Variants in TBC1D5 observed in about 807,000 individuals in gnomAD.
TBC1D5 encodes the protein TBC1 domain family member 5.
In TBC1D5, 75 loss-of-function variants were observed where a neutral mutation model predicts 100.3. The ratio of observed to expected loss-of-function variants is 0.75; its 90% CI spans 0.62 to 0.91. TBC1D5 has a LOEUF of 0.91. TBC1D5 is among the 40% of genes least tolerant of loss of function. The probability of loss-of-function intolerance (pLI) is 0.00; values close to 1 mark genes in which losing one functional copy is unlikely to be tolerated. For synonymous variants in TBC1D5, 323 were observed against 325.6 expected (o/e 0.99, Z 0.09); for missense variants, 910 against 942.4 (o/e 0.97, Z 0.45).
At chr3:17,504,891 C>T (rs1560040039) in intron 3 of TBC1D5, among the ~76,000 whole-genome samples, 1 of 152,150 alleles carries the variant, frequency 6.6e-6, no homozygotes, top group Non-Finnish European at 1.5e-5. Context: ...ATTATATCGA[C>T]ATCAGTCAAC....
At chr3:17,582,374 A>G (rs189698920) in intron 2 of TBC1D5, among the ~76,000 whole-genome samples, 70 of 152,360 alleles carry the variant, frequency 4.6e-4, no homozygotes, top group Middle Eastern at 6.8e-3. Context: ...CAACTGTGAA[A>G]ATAAAATAGA....
At chr3:17,679,672 C>T (rs1305601671) in intron 1 of TBC1D5, among the ~76,000 whole-genome samples, 1 of 151,522 alleles carries the variant, frequency 6.6e-6, no homozygotes, top group East Asian at 1.9e-4. Context: ...GTACATTATA[C>T]ATTAATATTG....
chr3:17,364,119 G>A (rs958560370), intron 13 of TBC1D5, among the ~76,000 whole-genome samples: 13 of 151,588 alleles, frequency 8.6e-5, no homozygotes, highest in South Asian at 8.3e-4. Context: ...AAAATCTATC[G>A]TCATTGGAAG....
chr3:17,651,354 C>A (rs1274716608), intron 1 of TBC1D5, among the ~76,000 whole-genome samples: 1 of 152,138 alleles, frequency 6.6e-6, no homozygotes, highest in African/African-American at 2.4e-5. Flanking sequence ...TATAATCATT[C>A]TTTCGATGTA....
chr3:17,267,046 A>G (rs2078919534), intron 15 of TBC1D5, among the ~76,000 whole-genome samples: 1 of 152,120 alleles, frequency 6.6e-6, no homozygotes, highest in South Asian at 2.1e-4. Flanking sequence ...ATCCCCATCT[A>G]TACCCTGGCA....
intron 13 of TBC1D5, among the ~76,000 whole-genome samples, chr3:17,343,472 C>T (rs1204078243): frequency 6.8e-6 from 1 of 147,358 alleles, no homozygotes; most frequent in Non-Finnish European, 1.5e-5. Context: ...CAGGATGATG[C>T]TGGCCTCATA....
At chr3:17,345,907 T>C (rs1410708636) in intron 13 of TBC1D5, among the ~76,000 whole-genome samples, 4 of 148,760 alleles carry the variant, frequency 2.7e-5, no homozygotes, top group Non-Finnish European at 6.0e-5. Flanking sequence ...CATCACACTC[T>C]GGGGACTGTT....
chr3:17,359,147 C>T (rs1045452891), intron 13 of TBC1D5, among the ~76,000 whole-genome samples: 2 of 152,034 alleles, frequency 1.3e-5, no homozygotes, highest in African/African-American at 2.4e-5. Context: ...CAAAAAGCAA[C>T]ACGTTCCACC....
chr3:17,716,837 A>G (rs1380911925), intron 1 of TBC1D5, among the ~76,000 whole-genome samples: 1 of 152,164 alleles, frequency 6.6e-6, no homozygotes, highest in Non-Finnish European at 1.5e-5. Flanking sequence ...TATTTTATAC[A>G]TAAACAAGGT....
chr3:17,659,230 GAGCACATGGATCTATGTGC>G (rs1294685447), intron 1 of TBC1D5, among the ~76,000 whole-genome samples: 2 of 152,168 alleles, frequency 1.3e-5, no homozygotes, highest in African/African-American at 4.8e-5. Flanking sequence ...GGATTTGTGT[GAGCACATGGATCTATGTGC>G]TCACATGGAG....
chr3:17,717,364 T>C (rs750460369), intron 1 of TBC1D5, among the ~76,000 whole-genome samples: 7 of 152,144 alleles, frequency 4.6e-5, no homozygotes, highest in Non-Finnish European at 8.8e-5. Flanking sequence ...TAAATAATAT[T>C]TGCGTAACTA....
intron 1 of TBC1D5, chr3:17,646,818 T>A (rs534663162): frequency 3.3e-5 from 5 of 152,086 alleles, no homozygotes; most frequent in South Asian, 4.2e-4. Context: ...AATGTGCAGG[T>A]TTGGGCTTCT....
intron 3 of TBC1D5, among the ~76,000 whole-genome samples, chr3:17,444,920 AT>A (rs528380961): frequency 2.0e-5 from 3 of 152,322 alleles, no homozygotes; most frequent in South Asian, 4.1e-4. Flanking sequence ...CAGTAAGTAA[AT>A]GTATTCCTAC....
At chr3:17,480,258 C>A (rs1166854108) in intron 3 of TBC1D5, among the ~76,000 whole-genome samples, 1 of 40,930 alleles carries the variant, frequency 2.4e-5, no homozygotes, top group Non-Finnish European at 5.0e-5. Flanking sequence ...AGCTCAAAAA[C>A]CTGGGCGCCA....
chr3:17,660,694 C>A (rs1479170277), intron 1 of TBC1D5, among the ~76,000 whole-genome samples: 1 of 152,142 alleles, frequency 6.6e-6, no homozygotes, highest in Non-Finnish European at 1.5e-5. Context: ...GTAAGTCAGG[C>A]TGATAACCTT....
intron 13 of TBC1D5, among the ~76,000 whole-genome samples, chr3:17,356,939 T>C (rs2091266455): frequency 2.0e-5 from 3 of 152,064 alleles, no homozygotes; most frequent in Non-Finnish European, 2.9e-5. Context: ...TCTTCAGAGA[T>C]CTTTAAATAG....
chr3:17,173,309 A>G (rs57200512), intron 19 of TBC1D5, among the ~76,000 whole-genome samples: 20,405 of 152,198 alleles, frequency 0.13, 1,625 homozygotes, highest in African/African-American at 0.22. Context: ...ATGCAGAGGC[A>G]CAGGATGGGA....
chr3:17,211,641 T>C (rs1010027343), intron 18 of TBC1D5, among the ~76,000 whole-genome samples: 3 of 152,232 alleles, frequency 2.0e-5, no homozygotes, highest in Non-Finnish European at 4.4e-5. Context: ...TCTTTGTTTT[T>C]TGCCTACCAC....
At chr3:17,254,809 C>T (rs1407548641) in intron 16 of TBC1D5, among the ~76,000 whole-genome samples, 5 of 141,930 alleles carry the variant, frequency 3.5e-5, no homozygotes, top group Non-Finnish European at 7.6e-5. Context: ...TGATGATATA[C>T]TAGAAGAAAA....
Sources: gnomAD v4.1 joint callset for allele counts (sites outside exome capture counted in the v4.1 genomes callset) on GRCh38, gnomAD v4.1.1 for gene constraint, MANE v1.5 for transcripts, NCBI Gene and HGNC (gene_info 2026-07-23, HGNC 2026-07-21) for gene names.